The following FAM149B1 variants were observed in gnomAD, a reference collection of about 807,000 sequenced individuals.
The protein encoded by FAM149B1 is family with sequence similarity 149 member B1.
FAM149B1 carries 56 observed loss-of-function variants against 75.3 expected under a neutral mutation model. That is an observed-to-expected ratio of 0.74 (90% CI 0.60 to 0.93). FAM149B1 has a LOEUF of 0.93. Ranked by LOEUF, FAM149B1 falls within the 40% of genes least tolerant of loss-of-function variation. The pLI is 0.00. For missense variants in FAM149B1, 639 were observed against 708.4 expected (o/e 0.90, Z 1.11); for synonymous variants, 259 against 256.1 (o/e 1.01, Z -0.11).
intron 7 of FAM149B1, among the ~76,000 whole-genome samples, chr10:73,218,929 T>A (rs2043350313): frequency 1.3e-5 from 2 of 152,162 alleles, no homozygotes; most frequent in African/African-American, 4.8e-5. Flanking sequence ...ATGGATTGGG[T>A]CATCACTTAC....
chr10:73,191,894 A>G (rs1184533057), intron 3 of FAM149B1, among the ~76,000 whole-genome samples: 29 of 152,062 alleles, frequency 1.9e-4, no homozygotes, highest in Admixed American at 1.9e-3. Flanking sequence ...TACTTTTAAA[A>G]ATATAGACTT....
chr10:73,239,381 G>A lies in FAM149B1; in HGVS notation c.1672G>A (p.Ala558Thr). 5.8e-6 allele frequency: 9 copies of A among 1,551,260 alleles called. No homozygotes were observed. Among genetic ancestry groups the A allele is most frequent in the African/African-American group, 2.7e-5 (2 of 73,162 alleles). ...TCAGGCCCGACCTGGCAGGGGATCT[G>A]CAGGTAAAGGTGGGGCCATGGCCCT... is the stretch of plus-strand genomic sequence containing the variant. ...PHQARPGRGS[A>T]GPQLHGSTKS... Residue 558 changes from alanine (A) to threonine (T), a missense_variant, in exon 13 of 14, where the codon GCA becomes ACA. Coordinates refer to ENST00000242505, the MANE Select transcript of FAM149B1 (RefSeq NM_173348.2).
chr10:73,208,199 C>T (rs1205600786), intron 5 of FAM149B1, among the ~76,000 whole-genome samples: 14 of 152,198 alleles, frequency 9.2e-5, no homozygotes, highest in African/African-American at 3.4e-4. Flanking sequence ...GCTCCTGCTC[C>T]CACTTAACAT....
At position 73,239,361 on chromosome 10, in the gene FAM149B1, C is replaced by T. The variant is rs2043893351; in HGVS notation, c.1652C>T (p.Ala551Val). The T allele has an allele frequency of 6.4e-7, 1 of 1,551,518 alleles. No homozygotes were observed. The highest frequency in any genetic ancestry group is 8.7e-7 in the Non-Finnish European group (1 of 1,146,960). ...TGTGCAGTTGAGTATCCTCATCAGG[C>T]CCGACCTGGCAGGGGATCTGCAGGT... ...RSCAVEYPHQ[A>V]RPGRGSAGPQ... Residue 551 changes from alanine to valine, a missense_variant, in exon 13 of 14, where the codon GCC becomes GTC. Coordinates refer to ENST00000242505, the MANE Select transcript of FAM149B1 (RefSeq NM_173348.2).
At chr10:73,223,102 C>G (rs981755605) in intron 7 of FAM149B1, among the ~76,000 whole-genome samples, 1 of 152,058 alleles carries the variant, frequency 6.6e-6, no homozygotes, top group Non-Finnish European at 1.5e-5. Flanking sequence ...CCTGGATGAC[C>G]GTGCAAGACC....
chr10:73,212,518 C>T (rs926771915), intron 7 of FAM149B1, among the ~76,000 whole-genome samples: 2 of 152,154 alleles, frequency 1.3e-5, no homozygotes, highest in African/African-American at 2.4e-5. Context: ...TCAGGTGATC[C>T]GCCTGCCTCA....
chr10:73,178,413 C>T (rs1247833335), intron 3 of FAM149B1, among the ~76,000 whole-genome samples: 7 of 151,640 alleles, frequency 4.6e-5, no homozygotes, highest in South Asian at 2.1e-4. Flanking sequence ...ATGGCTTGAA[C>T]GCGGGAGGTG....
intron 5 of FAM149B1, among the ~76,000 whole-genome samples, chr10:73,202,804 C>T (rs2042970878): frequency 6.6e-6 from 1 of 152,084 alleles, no homozygotes; most frequent in Admixed American, 6.6e-5. Flanking sequence ...GATCCTCCCA[C>T]CTCAGCCTCC....
At chr10:73,179,861 C>T (rs2042355783) in intron 3 of FAM149B1, among the ~76,000 whole-genome samples, 1 of 152,082 alleles carries the variant, frequency 6.6e-6, no homozygotes, top group African/African-American at 2.4e-5. Flanking sequence ...TACTACTCCA[C>T]ACTGGTCAAT....
intron 1 of FAM149B1, among the ~76,000 whole-genome samples, chr10:73,171,877 C>T (rs1843733198): frequency 6.6e-6 from 1 of 152,164 alleles, no homozygotes; most frequent in South Asian, 2.1e-4. Context: ...ATCTGCCTGC[C>T]TCAGCCTCCC....
At chr10:73,235,417 A>G in intron 12 of FAM149B1, 99 bp downstream of exon 12, 1 of 1,486,284 alleles carries the variant, frequency 6.7e-7, no homozygotes, top group Non-Finnish European at 8.9e-7. Context: ...CTAGAGGCTT[A>G]ACCCAGAATA....
At chr10:73,200,520 C>T (rs1216250148) in intron 5 of FAM149B1, 2 of 680,008 alleles carry the variant, frequency 2.9e-6, no homozygotes, top group Admixed American at 4.1e-5. Context: ...ACAGAAGATA[C>T]CTTTTTTCCA....
intron 1 of FAM149B1, among the ~76,000 whole-genome samples, chr10:73,171,860 C>A (rs1254362252): frequency 2.0e-5 from 3 of 151,904 alleles, no homozygotes; most frequent in African/African-American, 7.3e-5. Context: ...GATCTCCTGA[C>A]CTCGTGATCT....
chr10:73,172,004 C>A (rs957190850), intron 1 of FAM149B1, among the ~76,000 whole-genome samples: 1 of 152,014 alleles, frequency 6.6e-6, no homozygotes, highest in African/African-American at 2.4e-5. Context: ...GCCATTTCAC[C>A]CCTATATATG....
chr10:73,172,038 T>C (rs1387321206), intron 1 of FAM149B1, among the ~76,000 whole-genome samples: 1 of 152,208 alleles, frequency 6.6e-6, no homozygotes, highest in Admixed American at 6.5e-5. Flanking sequence ...CTAAAAATTA[T>C]GGACATTTTT....
intron 7 of FAM149B1, among the ~76,000 whole-genome samples, chr10:73,225,537 T>G (rs1484172019): frequency 6.6e-6 from 1 of 152,224 alleles, no homozygotes; most frequent in Non-Finnish European, 1.5e-5. Context: ...TGCCTTAAGC[T>G]GTTATTTCAA....
intron 5 of FAM149B1, among the ~76,000 whole-genome samples, chr10:73,206,309 T>C (rs2043053140): frequency 6.6e-6 from 1 of 152,134 alleles, no homozygotes; most frequent in African/African-American, 2.4e-5. Flanking sequence ...ACACCTATGC[T>C]CAGATGTGGG....
At chr10:73,172,426 A>G (rs1843753672) in intron 1 of FAM149B1, among the ~76,000 whole-genome samples, 1 of 152,244 alleles carries the variant, frequency 6.6e-6, no homozygotes. Context: ...TCTTGGCTTC[A>G]TCGCTTACTA....
chr10:73,231,984 C>T (rs993327831), intron 9 of FAM149B1, among the ~76,000 whole-genome samples: 1 of 151,696 alleles, frequency 6.6e-6, no homozygotes, highest in African/African-American at 2.4e-5. Context: ...AGAACAGTCT[C>T]CAGGTTTAGC....
Sources: gnomAD v4.1 joint callset for allele counts (sites outside exome capture counted in the v4.1 genomes callset) on GRCh38, gnomAD v4.1.1 for gene constraint, MANE v1.5 for transcripts, NCBI Gene and HGNC (gene_info 2026-07-23, HGNC 2026-07-21) for gene names.